SRRM4: variants seen among roughly 807,000 people sequenced by gnomAD.
SRRM4 encodes the protein serine/arginine repetitive matrix protein 4.
SRRM4 carries 33 observed loss-of-function variants against 68.9 expected under a neutral mutation model. That is an observed-to-expected ratio of 0.48 (90% CI 0.36 to 0.64). The LOEUF (loss-of-function observed/expected upper bound fraction) is 0.64, where lower values mean the gene tolerates loss of function less well. SRRM4 is among the 30% of genes least tolerant of loss of function. The pLI, the probability that SRRM4 is intolerant of heterozygous loss-of-function variation, is 0.00. For synonymous variants in SRRM4, 318 were observed against 318.8 expected (o/e 1.00, Z 0.03); for missense variants, 817 against 827.1 (o/e 0.99, Z 0.15).
chr12:119,018,627 A>G (rs1309176995), intron 1 of SRRM4, among the ~76,000 whole-genome samples: 2 of 152,168 alleles, frequency 1.3e-5, no homozygotes, highest in Non-Finnish European at 2.9e-5. Flanking sequence ...AAAAACAGAA[A>G]AGAGAGAGGT....
rs1383234916 is a variant in SRRM4, at chr12:119,012,181, G to T, written c.131+30168G>T. On this transcript the variant is annotated intron_variant, in intron 1 of 12. Coordinates refer to ENST00000267260, the MANE Select transcript of SRRM4 (RefSeq NM_194286.4). ...TCATCGTCTGGGAATTCAGATGTCTGCCCTGAAATGAAAGGGCACCATTCA... is the reference window on the plus strand; with the variant it reads ...TCATCGTCTGGGAATTCAGATGTCTTCCCTGAAATGAAAGGGCACCATTCA... Among the ~76,000 whole-genome samples, 4 of 152,128 alleles carry T rather than the reference G, an allele frequency of 2.6e-5. No homozygotes were observed. In the East Asian group the frequency reaches 7.7e-4, roughly 29 times the overall value.
At chr12:118,985,152 G>A (rs1490955501) in intron 1 of SRRM4, among the ~76,000 whole-genome samples, 3 of 152,094 alleles carry the variant, frequency 2.0e-5, no homozygotes, top group Non-Finnish European at 2.9e-5. Context: ...TTTTTATTGG[G>A]ATTTCAACTC....
intron 9 of SRRM4, 118 bp from the exon 10 acceptor site, chr12:119,150,899 A>C: frequency 1.2e-6 from 1 of 858,108 alleles, no homozygotes; most frequent in East Asian, 2.7e-5. Context: ...GGATGGGAAA[A>C]GGGGCAAAGA....
intron 1 of SRRM4, among the ~76,000 whole-genome samples, chr12:119,057,797 T>C (rs779692975): frequency 1.3e-5 from 2 of 152,342 alleles, no homozygotes; most frequent in South Asian, 4.1e-4. Flanking sequence ...GCTGAACTAA[T>C]TTACACTCTC....
At chr12:119,009,047 C>CT (rs758103110) in intron 1 of SRRM4, among the ~76,000 whole-genome samples, 42 of 149,774 alleles carry the variant, frequency 2.8e-4, no homozygotes, top group Admixed American at 4.7e-4. Context: ...CGCTGGCGGT[C>CT]TACACACACG....
chr12:119,124,910 G>T (rs2136054607), intron 6 of SRRM4, among the ~76,000 whole-genome samples: 1 of 152,242 alleles, frequency 6.6e-6, no homozygotes, highest in East Asian at 1.9e-4. Context: ...AAAAATTAGA[G>T]GATCACCACA....
chr12:119,109,550 C>T (rs1954129524), intron 2 of SRRM4, among the ~76,000 whole-genome samples: 1 of 152,164 alleles, frequency 6.6e-6, no homozygotes, highest in African/African-American at 2.4e-5. Flanking sequence ...CTTCTCTTCT[C>T]ACTTCATTTC....
At chr12:119,061,035 CCT>C (rs1953808546) in intron 1 of SRRM4, among the ~76,000 whole-genome samples, 1 of 152,078 alleles carries the variant, frequency 6.6e-6, no homozygotes, top group Non-Finnish European at 1.5e-5. Flanking sequence ...CCTCCGTGCA[CCT>C]CTTAGTATGG....
At chr12:119,075,665 G>A (rs1006512508) in intron 1 of SRRM4, among the ~76,000 whole-genome samples, 6 of 143,928 alleles carry the variant, frequency 4.2e-5, no homozygotes, top group Non-Finnish European at 9.1e-5. Context: ...AGCGATGATG[G>A]TGATGATGAT....
intron 1 of SRRM4, among the ~76,000 whole-genome samples, chr12:119,003,455 G>T (rs575871677): frequency 1.4e-4 from 22 of 151,938 alleles, no homozygotes; most frequent in African/African-American, 4.8e-4. Flanking sequence ...AAAAATGAGG[G>T]CAATTTTATA....
At chr12:119,093,082 A>G (rs1954023666) in intron 1 of SRRM4, among the ~76,000 whole-genome samples, 1 of 152,084 alleles carries the variant, frequency 6.6e-6, no homozygotes, top group Non-Finnish European at 1.5e-5. Context: ...CACCTTCTCA[A>G]TGAGGGCTTC....
intron 7 of SRRM4, among the ~76,000 whole-genome samples, chr12:119,127,431 G>A (rs1423954796): frequency 1.3e-5 from 2 of 152,170 alleles, no homozygotes; most frequent in African/African-American, 4.8e-5. Context: ...AATATCTATA[G>A]GAAAAGGGAG....
chr12:119,099,289 C>T (rs1342810427), intron 1 of SRRM4, among the ~76,000 whole-genome samples: 1 of 152,094 alleles, frequency 6.6e-6, no homozygotes, highest in Admixed American at 6.5e-5. Context: ...CGTGCAACAC[C>T]ATACCAGCTA....
At chr12:119,094,691 C>T (rs1314350022) in intron 1 of SRRM4, among the ~76,000 whole-genome samples, 1 of 152,214 alleles carries the variant, frequency 6.6e-6, no homozygotes, top group Admixed American at 6.5e-5. Flanking sequence ...TGCCCACATT[C>T]CCCAGGAGGG....
intron 1 of SRRM4, among the ~76,000 whole-genome samples, chr12:119,095,279 T>C (rs1321501256): frequency 1.3e-5 from 2 of 152,322 alleles, no homozygotes; most frequent in South Asian, 2.1e-4. Context: ...ATGATAACTC[T>C]TGGGCTTTCT....
At chr12:118,983,796 A>T (rs568765509) in intron 1 of SRRM4, among the ~76,000 whole-genome samples, 8 of 152,306 alleles carry the variant, frequency 5.3e-5, no homozygotes, top group African/African-American at 1.9e-4. Context: ...TTTCTTGGTC[A>T]TATTTGCAAT....
chr12:119,030,720 T>G (rs771716466), intron 1 of SRRM4, among the ~76,000 whole-genome samples: 8 of 152,216 alleles, frequency 5.3e-5, no homozygotes, highest in Non-Finnish European at 1.2e-4. Flanking sequence ...TTTTATGATG[T>G]TCCCCCATAT....
chr12:119,100,348 G>T (rs973620822), intron 1 of SRRM4, among the ~76,000 whole-genome samples: 5 of 81,258 alleles, frequency 6.2e-5, no homozygotes, highest in African/African-American at 2.4e-4. Flanking sequence ...AAAAAATCTG[G>T]GTGTGGTGGT....
intron 1 of SRRM4, among the ~76,000 whole-genome samples, chr12:118,986,065 C>A (rs1249000929): frequency 6.6e-6 from 1 of 152,054 alleles, no homozygotes; most frequent in Non-Finnish European, 1.5e-5. Context: ...CCATAAATTC[C>A]AAACTATTGG....
Sources: allele counts gnomAD v4.1 joint callset (sites outside exome capture counted in the v4.1 genomes callset), GRCh38; gene constraint gnomAD v4.1.1; transcripts MANE v1.5; gene names NCBI Gene and HGNC (gene_info 2026-07-23, HGNC 2026-07-21).